Variants in CNTN5 observed in about 807,000 individuals in gnomAD.
CNTN5 encodes the protein contactin-5.
In CNTN5, 77 loss-of-function variants were observed where a neutral mutation model predicts 129.1. That is an observed-to-expected ratio of 0.60 (90% CI 0.50 to 0.72). CNTN5 has a LOEUF of 0.72. Ranked by LOEUF, CNTN5 falls within the 30% of genes least tolerant of loss-of-function variation. The pLI, the probability that CNTN5 is intolerant of heterozygous loss-of-function variation, is 0.00. For synonymous variants in CNTN5, 509 were observed against 465.6 expected (o/e 1.09, Z -1.20); for missense variants, 1,478 against 1,328.8 (o/e 1.11, Z -1.75).
In CNTN5 at chr11:99,687,649, A is replaced by T. The variant is rs1021342463; in HGVS notation, c.55+131380A>T. ...GTATTCTTCCTTAGGCTTTATGAAA[A>T]TGAATACTACATTTAGGTGGCTCAG... is the stretch of plus-strand genomic sequence containing the variant. On this transcript the variant is annotated intron_variant, in intron 3 of 24. Coordinates refer to ENST00000524871, the MANE Select transcript of CNTN5 (RefSeq NM_014361.4). Among the ~76,000 whole-genome samples the T allele has an allele frequency of 6.6e-5, 10 of 152,158 alleles. 1 individual carries two copies. The highest frequency in any genetic ancestry group is 6.5e-4 in the Admixed American group (10 of 15,276).
chr11:99,093,494 A>G (rs574193200), intron 1 of CNTN5, among the ~76,000 whole-genome samples: 4 of 150,836 alleles, frequency 2.7e-5, no homozygotes, highest in African/African-American at 7.3e-5. Flanking sequence ...ATATATGGCT[A>G]TTCAGTTAAT....
chr11:100,026,817 T>C (rs1056148169), intron 9 of CNTN5, among the ~76,000 whole-genome samples: 1 of 152,170 alleles, frequency 6.6e-6, no homozygotes, highest in Non-Finnish European at 1.5e-5. Flanking sequence ...TTCACTTAGT[T>C]TGTGGCTTGT....
Position 100,350,823 on chromosome 11 carries a change from G to A in CNTN5, c.3152G>A (p.Gly1051Glu). ...ATTGAAGTTCGAGCATATAGTGAAG[G>A]AGGAGATGGAACAGCTAGTTCTCAA... ...YIIEVRAYSE[G>E]GDGTASSQIR... The change falls in exon 24 of 25, where the codon GGA (glycine) becomes GAA (glutamate). Residue 1051 changes from glycine to glutamate, a missense_variant. Transcript: ENST00000524871. 6.2e-7 allele frequency: 1 copy of A among 1,602,368 alleles called. No individual in the cohort carries two copies. Among genetic ancestry groups the A allele is most frequent in the Non-Finnish European group, 8.5e-7 (1 of 1,172,842 alleles).
chr11:99,551,964 G>C (rs1034488279), intron 2 of CNTN5, among the ~76,000 whole-genome samples: 2 of 150,150 alleles, frequency 1.3e-5, no homozygotes, highest in African/African-American at 4.9e-5. Flanking sequence ...CTGGAGTGCA[G>C]TGGCACAATC....
chr11:99,863,014 G>A (rs1948255565), intron 6 of CNTN5, among the ~76,000 whole-genome samples: 1 of 152,062 alleles, frequency 6.6e-6, no homozygotes, highest in Non-Finnish European at 1.5e-5. Flanking sequence ...TCATCAACTT[G>A]TATTGCTTTA....
In CNTN5 at chr11:100,147,374, G is replaced by A. The variant is rs180830636; in HGVS notation, c.1581-43752G>A. ...TGTAAGACCAGTGACAGCTAGATCT[G>A]AACTGAGTTATTGTGTTAAAGGTCA... is the stretch of plus-strand genomic sequence containing the variant. On this transcript the variant is annotated intron_variant, in intron 13 of 24. Transcript: ENST00000524871. 8.0e-4 allele frequency among the ~76,000 whole-genome samples: 122 copies of A among 152,212 alleles called. 2 individuals carry two copies. Among genetic ancestry groups the A allele is most frequent in the Non-Finnish European group, 1.4e-3 (98 of 67,990 alleles).
intron 2 of CNTN5, among the ~76,000 whole-genome samples, chr11:99,517,777 A>T (rs919537022): frequency 6.6e-6 from 1 of 152,132 alleles, no homozygotes; most frequent in Middle Eastern, 3.4e-3. Flanking sequence ...TCTAACACAC[A>T]TTTCTACCAT....
chr11:100,170,900 A>AC (rs1239742856), intron 13 of CNTN5, among the ~76,000 whole-genome samples: 1 of 151,718 alleles, frequency 6.6e-6, no homozygotes, highest in Non-Finnish European at 1.5e-5. Flanking sequence ...AAAACAAAAA[A>AC]AAAACTTTTT....
chr11:100,107,853 T>C (rs1158846752), intron 13 of CNTN5, among the ~76,000 whole-genome samples: 1 of 152,078 alleles, frequency 6.6e-6, no homozygotes, highest in East Asian at 1.9e-4. Context: ...TATATAGATA[T>C]ATGTATGCAT....
At chr11:99,352,532 C>T (rs1938368524) in intron 2 of CNTN5, among the ~76,000 whole-genome samples, 1 of 151,910 alleles carries the variant, frequency 6.6e-6, no homozygotes, top group South Asian at 2.1e-4. Flanking sequence ...TTTTCTATAA[C>T]TGATCTCATG....
intron 8 of CNTN5, among the ~76,000 whole-genome samples, chr11:99,992,136 G>C (rs1378676566): frequency 6.6e-6 from 1 of 152,184 alleles, no homozygotes; most frequent in Non-Finnish European, 1.5e-5. Context: ...AAAATGATCA[G>C]CTAAACCTTT....
chr11:99,660,558 C>T (rs1952558093), intron 3 of CNTN5, among the ~76,000 whole-genome samples: 2 of 152,122 alleles, frequency 1.3e-5, no homozygotes, highest in Admixed American at 6.6e-5. Flanking sequence ...TAGGTGATGA[C>T]TGCCTGAATT....
intron 3 of CNTN5, among the ~76,000 whole-genome samples, chr11:99,649,139 A>G (rs1406722838): frequency 1.3e-5 from 2 of 151,678 alleles, no homozygotes; most frequent in Non-Finnish European, 3.0e-5. Context: ...ATGTATCAAA[A>G]CATCACTGTA....
chr11:99,805,886 T>G (rs1946253619), intron 3 of CNTN5, among the ~76,000 whole-genome samples: 1 of 152,178 alleles, frequency 6.6e-6, no homozygotes, highest in Non-Finnish European at 1.5e-5. Flanking sequence ...GTCATGAAAT[T>G]AAAAATTGTA....
chr11:99,659,705 T>A (rs1952525907), intron 3 of CNTN5, among the ~76,000 whole-genome samples: 2 of 152,124 alleles, frequency 1.3e-5, no homozygotes, highest in Non-Finnish European at 2.9e-5. Flanking sequence ...CTTAAGGCCC[T>A]CATAGACTGG....
intron 3 of CNTN5, among the ~76,000 whole-genome samples, chr11:99,796,080 G>T (rs558988570): frequency 2.0e-5 from 3 of 152,284 alleles, no homozygotes; most frequent in Admixed American, 2.0e-4. Flanking sequence ...ATGCAATGTG[G>T]GTGGGGGGCA....
At chr11:99,539,468 A>C (rs1448991725) in intron 2 of CNTN5, among the ~76,000 whole-genome samples, 1 of 151,894 alleles carries the variant, frequency 6.6e-6, no homozygotes, top group Non-Finnish European at 1.5e-5. Context: ...TTATACTTAA[A>C]TCTTAAGCTG....
chr11:100,260,211 C>G (rs1015094413), intron 17 of CNTN5, among the ~76,000 whole-genome samples: 1 of 152,088 alleles, frequency 6.6e-6, no homozygotes, highest in African/African-American at 2.4e-5. Context: ...TGGATAAACT[C>G]CAGGACATCT....
At chr11:100,082,262 CAG>C (rs777217994) in intron 13 of CNTN5, among the ~76,000 whole-genome samples, 1 of 152,092 alleles carries the variant, frequency 6.6e-6, no homozygotes, top group Admixed American at 6.6e-5. Flanking sequence ...TTACAAAAAA[CAG>C]ATATATTGTA....
Sources: gnomAD v4.1 joint callset for allele counts (sites outside exome capture counted in the v4.1 genomes callset) on GRCh38, gnomAD v4.1.1 for gene constraint, MANE v1.5 for transcripts, NCBI Gene and HGNC (gene_info 2026-07-23, HGNC 2026-07-21) for gene names.